The following IPO7 variants were observed in gnomAD, a reference collection of about 807,000 sequenced individuals.
IPO7 encodes importin 7.
Under a neutral mutation model 136.4 loss-of-function variants are expected in IPO7, and 13 were observed. That is an observed-to-expected ratio of 0.10 (90% CI 0.06 to 0.15). The LOEUF is 0.15. Ranked by LOEUF, IPO7 falls within the 10% of genes least tolerant of loss-of-function variation. The pLI is 1.00. For synonymous variants in IPO7, 403 were observed against 404.4 expected (o/e 1.00, Z 0.04); for missense variants, 857 against 1,240.6 (o/e 0.69, Z 4.65).
chr11:9,437,928 A>C lies in IPO7; in HGVS notation c.2443A>C (p.Asn815His). 1.2e-6 allele frequency: 2 copies of C among 1,613,906 alleles called. No individual in the cohort carries two copies. Among genetic ancestry groups the C allele is most frequent in the South Asian group, 2.2e-5 (2 of 91,066 alleles). Residue 815 changes from asparagine to histidine, a missense_variant, in exon 21 of 25, where the codon AAT (asparagine) becomes CAT (histidine). Around this residue, in one of 11 missense-constraint regions of IPO7, gnomAD observed 190 missense variants for 249.0 expected, o/e 0.76. Coordinates refer to ENST00000379719, the MANE Select transcript of IPO7 (RefSeq NM_006391.3). ...CCCTAATAATGTTGAACCAGTTACA[A>C]ATCATTTTATTACACAGTGGCTTAA... ...RFPNNVEPVT[N>H]HFITQWLNDV...
intron 22 of IPO7, among the ~76,000 whole-genome samples, chr11:9,439,189 C>T (rs972717801): frequency 6.6e-6 from 1 of 152,284 alleles, no homozygotes; most frequent in Non-Finnish European, 1.5e-5. Flanking sequence ...GATCTTGGCT[C>T]ACTGCAACAT....
Position 9,428,571 on chromosome 11 carries a change from T to G in IPO7, c.1367T>G (p.Met456Arg). 1 of 1,562,432 alleles carries G rather than the reference T, an allele frequency of 6.4e-7. No homozygotes were observed. Among genetic ancestry groups the G allele is most frequent in the Non-Finnish European group, 8.8e-7 (1 of 1,138,944 alleles). ...ATCTATAAAGATCAGATGGAATACATGTTGCAGAATCATGTATTCCCTCTC... is the reference window on the plus strand; with the variant it reads ...ATCTATAAAGATCAGATGGAATACAGGTTGCAGAATCATGTATTCCCTCTC... ...KKIYKDQMEY[M>R]LQNHVFPLFS... Residue 456 changes from methionine to arginine, a missense_variant, in exon 13 of 25, where the codon ATG becomes AGG. Transcript: ENST00000379719.
At chr11:9,393,669 C>T (rs1854668107) in intron 1 of IPO7, among the ~76,000 whole-genome samples, 1 of 152,080 alleles carries the variant, frequency 6.6e-6, no homozygotes, top group South Asian at 2.1e-4. Flanking sequence ...AGGCGTGAGC[C>T]ACCACACCAG....
intron 5 of IPO7, chr11:9,414,738 G>A (rs1409819605): frequency 1.4e-5 from 2 of 147,820 alleles, no homozygotes; most frequent in African/African-American, 5.3e-5. Context: ...CGATTCTCCT[G>A]CCTCAGCCTC....
intron 1 of IPO7, among the ~76,000 whole-genome samples, chr11:9,392,524 T>A (rs192797384): frequency 9.2e-5 from 14 of 152,274 alleles, no homozygotes; most frequent in African/African-American, 3.4e-4. Context: ...TGAAATTACC[T>A]GGTTGTATTT....
At chr11:9,392,114 A>C (rs987007056) in intron 1 of IPO7, 1 of 348,826 alleles carries the variant, frequency 2.9e-6, no homozygotes, top group Non-Finnish European at 5.5e-6. Flanking sequence ...ACTTAACCTC[A>C]CTATGCCTTA....
At chr11:9,416,838 C>T (rs1855048051) in intron 5 of IPO7, among the ~76,000 whole-genome samples, 1 of 152,128 alleles carries the variant, frequency 6.6e-6, no homozygotes, top group Admixed American at 6.6e-5. Context: ...AAATATCACA[C>T]CTTATGGTGA....
Position 9,447,906 on chromosome 11 carries a change from A to G in IPO7, c.*2712A>G. 1 of 152,244 alleles carries G rather than the reference A, an allele frequency of 6.6e-6. No homozygotes were observed. Among genetic ancestry groups the G allele is most frequent in the African/African-American group, 2.4e-5 (1 of 41,460 alleles). The allele number at this position is 152,244 out of a possible 1,614,324, so 9.4% of individuals were successfully genotyped here. ...GACTAGAGTATAGAGCATGAGTGGC[A>G]AAACCACAGCCCTTGGGCCATATGC... On this transcript the variant is annotated 3_prime_UTR_variant, in exon 25 of 25. Transcript: ENST00000379719.
At chr11:9,401,381 TA>T (rs896465381) in intron 1 of IPO7, among the ~76,000 whole-genome samples, 68 of 151,952 alleles carry the variant, frequency 4.5e-4, no homozygotes, top group African/African-American at 1.6e-3. Flanking sequence ...CACTTCAAGA[TA>T]AAATGTTCAG....
At chr11:9,414,797 T>C (rs1855018388) in intron 5 of IPO7, among the ~76,000 whole-genome samples, 1 of 151,708 alleles carries the variant, frequency 6.6e-6, no homozygotes, top group Non-Finnish European at 1.5e-5. Context: ...GGCTAATTTT[T>C]GTATTTTTAA....
At chr11:9,413,659 T>A (rs1041338648) in intron 4 of IPO7, among the ~76,000 whole-genome samples, 1 of 152,034 alleles carries the variant, frequency 6.6e-6, no homozygotes, top group Admixed American at 6.6e-5. Flanking sequence ...GATACTCATG[T>A]GGGCCTTGAA....
chr11:9,403,936 T>A (rs9787851), intron 2 of IPO7, among the ~76,000 whole-genome samples: 83,804 of 151,972 alleles, frequency 0.55, 24,111 homozygotes, highest in Non-Finnish European at 0.64. Flanking sequence ...AACTCGGCTC[T>A]CTGCAACCTC....
At chr11:9,439,821 C>T (rs1301920188) in intron 22 of IPO7, among the ~76,000 whole-genome samples, 1 of 152,128 alleles carries the variant, frequency 6.6e-6, no homozygotes, top group African/African-American at 2.4e-5. Context: ...GATCTGCCTG[C>T]CTTGGCCTCC....
chr11:9,423,268 G>C, intron 9 of IPO7, 128 bp downstream of exon 9: 1 of 549,362 alleles, frequency 1.8e-6, no homozygotes, highest in African/African-American at 1.9e-5. Flanking sequence ...ATTGTTTTGA[G>C]AGTATAGCAG....
In IPO7 at chr11:9,384,758, G is replaced by A. The variant is rs760056986; in HGVS notation, c.-6G>A. 4 of 1,597,246 alleles carry A rather than the reference G, an allele frequency of 2.5e-6. No individual in the cohort carries two copies. The East Asian group carries it at 9.1e-5, about 36-fold the overall frequency. ...GAGCCCCGGGTTTGACCGAGTCCGC[G>A]CTGCGATGGACCCCAACACCATTAT... On this transcript the variant is annotated 5_prime_UTR_variant, in exon 1 of 25. Coordinates refer to ENST00000379719, the MANE Select transcript of IPO7 (RefSeq NM_006391.3).
In IPO7 at chr11:9,384,755, C is replaced by T; in HGVS notation, c.-9C>T. ...CCCGAGCCCCGGGTTTGACCGAGTC[C>T]GCGCTGCGATGGACCCCAACACCAT... On this transcript the variant is annotated 5_prime_UTR_variant, in exon 1 of 25. Transcript: ENST00000379719. 6.3e-7 allele frequency: 1 copy of T among 1,593,818 alleles called. No individual in the cohort carries two copies.
intron 1 of IPO7, among the ~76,000 whole-genome samples, chr11:9,402,399 C>CAAAAAAAAAAAAA (rs71062846): frequency 1.8e-4 from 8 of 44,898 alleles, no homozygotes; most frequent in African/African-American, 8.4e-4. Flanking sequence ...GACTGTGTCT[C>CAAAAAAAAAAAAA]AAAAAAAAAA....
intron 1 of IPO7, among the ~76,000 whole-genome samples, chr11:9,401,478 C>A (rs1329612097): frequency 6.6e-6 from 1 of 151,496 alleles, no homozygotes; most frequent in East Asian, 1.9e-4. Context: ...GCTCCTGAGC[C>A]TAGCTCAGCA....
chr11:9,416,993 G>A, intron 5 of IPO7, 66 bp from the exon 6 acceptor site: 1 of 748,636 alleles, frequency 1.3e-6, no homozygotes, highest in Non-Finnish European at 2.3e-6. Context: ...GTATTGTGAA[G>A]AGTAAAAAGA....
Sources: allele counts gnomAD v4.1 joint callset (sites outside exome capture counted in the v4.1 genomes callset), GRCh38; gene constraint gnomAD v4.1.1; regional missense constraint gnomAD v4.1.1; transcripts MANE v1.5; gene names NCBI Gene and HGNC (gene_info 2026-07-23, HGNC 2026-07-21).